NRG3: variants seen among roughly 807,000 people sequenced by gnomAD.
NRG3 encodes pro-neuregulin-3, membrane-bound isoform.
A neutral mutation model predicts 66.9 loss-of-function variants in NRG3; 31 were observed. The observed-to-expected ratio is 0.46, with a 90% CI of 0.35 to 0.63. NRG3 has a LOEUF of 0.63. Ranked by LOEUF, NRG3 falls within the 20% of genes least tolerant of loss-of-function variation. The probability of loss-of-function intolerance (pLI) is 0.00; values close to 1 mark genes in which losing one functional copy is unlikely to be tolerated. For synonymous variants in NRG3, 393 were observed against 359.4 expected (o/e 1.09, Z -1.06); for missense variants, 910 against 878.9 (o/e 1.04, Z -0.45).
At chr10:82,737,341 A>G (rs2058202374) in intron 2 of NRG3, among the ~76,000 whole-genome samples, 1 of 152,170 alleles carries the variant, frequency 6.6e-6, no homozygotes, top group South Asian at 2.1e-4. Context: ...TAGAAAAATT[A>G]CCTAGATGCA....
At chr10:82,688,386 A>C (rs538180812) in intron 2 of NRG3, among the ~76,000 whole-genome samples, 1 of 152,280 alleles carries the variant, frequency 6.6e-6, no homozygotes, top group African/African-American at 2.4e-5. Flanking sequence ...TTGGATGGAG[A>C]ATCACTACCA....
At chr10:82,129,274 CTACATTGT>C (rs2068659106) in intron 1 of NRG3, among the ~76,000 whole-genome samples, 5 of 149,798 alleles carry the variant, frequency 3.3e-5, no homozygotes, top group African/African-American at 7.3e-5. Context: ...AACCACAATA[CTACATTGT>C]CAGAGGGCAC....
At chr10:82,537,003 A>C (rs1461119174) in intron 2 of NRG3, among the ~76,000 whole-genome samples, 1 of 151,936 alleles carries the variant, frequency 6.6e-6, no homozygotes, top group East Asian at 1.9e-4. Context: ...AACTTGGAGA[A>C]AGTAGGTTTA....
rs183842344 is a variant in NRG3 at position 82,184,866 on chromosome 10, C to T, written c.824-173873C>T. On this transcript the variant is annotated intron_variant, in intron 1 of 8. Coordinates refer to ENST00000372141, the MANE Select transcript of NRG3 (RefSeq NM_001010848.4). ...AAATCAACAAGGTCTGGATGAAGGC[C>T]CCTTGAAAGTCTCATCCCTGTGAGC... Among the ~76,000 whole-genome samples, 269 of 152,130 alleles carry T rather than the reference C, an allele frequency of 1.8e-3. 5 individuals carry two copies. The highest frequency in any genetic ancestry group is 2.6e-4 in the Non-Finnish European group (18 of 67,994).
chr10:81,933,251 CAGACTT>C (rs1847561548), intron 1 of NRG3, among the ~76,000 whole-genome samples: 1 of 152,042 alleles, frequency 6.6e-6, no homozygotes, highest in South Asian at 2.1e-4. Context: ...ATGACCATGG[CAGACTT>C]CTTCCTAGAA....
At chr10:81,999,510 A>G (rs1230299684) in intron 1 of NRG3, among the ~76,000 whole-genome samples, 1 of 152,190 alleles carries the variant, frequency 6.6e-6, no homozygotes, top group Non-Finnish European at 1.5e-5. Flanking sequence ...GTTCAAGAAA[A>G]TATTTTCTCT....
At chr10:82,850,384 G>T (rs1019879118) in intron 3 of NRG3, among the ~76,000 whole-genome samples, 1 of 152,274 alleles carries the variant, frequency 6.6e-6, no homozygotes, top group South Asian at 2.1e-4. Flanking sequence ...TCCCTGCAAT[G>T]AGCAAATGAA....
At chr10:82,076,082 G>A (rs766971016) in intron 1 of NRG3, among the ~76,000 whole-genome samples, 15 of 152,150 alleles carry the variant, frequency 9.9e-5, no homozygotes, top group Non-Finnish European at 2.2e-4. Context: ...TGTCAAAAGT[G>A]TATGTTTCTT....
intron 2 of NRG3, among the ~76,000 whole-genome samples, chr10:82,540,935 T>G (rs571926167): frequency 6.6e-6 from 1 of 152,284 alleles, no homozygotes; most frequent in South Asian, 2.1e-4. Flanking sequence ...AGTGAGGTCA[T>G]TAAGGTGTGT....
chr10:81,907,827 C>T lies in NRG3; in HGVS notation c.823+31664C>T, dbSNP rs192968969. ...TACAGACTCCTTGATACCCTTCTTC[C>T]AAAATTTTCAGAAGTTGGGACTTAG... On this transcript the variant is annotated intron_variant, in intron 1 of 8. Coordinates refer to ENST00000372141, the MANE Select transcript of NRG3 (RefSeq NM_001010848.4). Among the ~76,000 whole-genome samples, 177 of 152,206 alleles carry T rather than the reference C, an allele frequency of 1.2e-3. 1 individual carries two copies. The highest frequency in any genetic ancestry group is 0.01 in the Middle Eastern group (3 of 294).
intron 2 of NRG3, among the ~76,000 whole-genome samples, chr10:82,397,657 T>C (rs1268194398): frequency 6.6e-6 from 1 of 152,190 alleles, no homozygotes; most frequent in East Asian, 1.9e-4. Context: ...ATTTGTTACC[T>C]TATTTTTTAC....
In NRG3 at chr10:81,900,506, A is replaced by T. The variant is rs546795627; in HGVS notation, c.823+24343A>T. On this transcript the variant is annotated intron_variant, in intron 1 of 8. Coordinates refer to ENST00000372141, the MANE Select transcript of NRG3 (RefSeq NM_001010848.4). ...ACTCCATATCCAGTGTCATGTCCTG[A>T]GATTTAGATTCGCATATCAGCAAGG... Among the ~76,000 whole-genome samples the T allele has an allele frequency of 2.0e-5, 3 of 152,354 alleles. No individual in the cohort carries two copies. In the South Asian group the frequency reaches 6.2e-4, roughly 32 times the overall value.
At chr10:82,395,189 C>T (rs530882801) in intron 2 of NRG3, among the ~76,000 whole-genome samples, 1 of 152,312 alleles carries the variant, frequency 6.6e-6, no homozygotes, top group African/African-American at 2.4e-5. Flanking sequence ...GCAAGATCAG[C>T]TGAAATTCAG....
At chr10:81,981,043 G>T (rs1205281452) in intron 1 of NRG3, among the ~76,000 whole-genome samples, 2 of 152,168 alleles carry the variant, frequency 1.3e-5, no homozygotes, top group South Asian at 4.1e-4. Flanking sequence ...GCATAAATCC[G>T]TAACGTTTGA....
At position 82,530,008 on chromosome 10, in the gene NRG3, C is replaced by A. The variant is rs77538179; in HGVS notation, c.953+171140C>A. On this transcript the variant is annotated intron_variant, in intron 2 of 8. Coordinates refer to ENST00000372141, the MANE Select transcript of NRG3 (RefSeq NM_001010848.4). The stretch of plus-strand genomic sequence containing the variant: ...GTTATCAGATGGTTTAAAGAGAAAG[C>A]CAGTTAAGGCCAATATGGGAATTTC... Among the ~76,000 whole-genome samples, 284 of 152,112 alleles carry A rather than the reference C, an allele frequency of 1.9e-3. 7 individuals carry two copies. In the East Asian group the frequency reaches 0.051, roughly 27 times the overall value.
intron 3 of NRG3, among the ~76,000 whole-genome samples, chr10:82,846,256 AAG>A (rs2135792506): frequency 6.6e-6 from 1 of 152,272 alleles, no homozygotes; most frequent in Admixed American, 6.5e-5. Context: ...ACGAGAGAAA[AAG>A]AGATAGCAAA....
intron 2 of NRG3, among the ~76,000 whole-genome samples, chr10:82,510,961 T>C (rs1160931857): frequency 6.6e-6 from 1 of 152,184 alleles, no homozygotes; most frequent in Non-Finnish European, 1.5e-5. Context: ...AAAAGAAATA[T>C]TTATTACATG....
intron 2 of NRG3, among the ~76,000 whole-genome samples, chr10:82,574,062 T>A (rs1356490424): frequency 6.6e-6 from 1 of 151,566 alleles, no homozygotes; most frequent in Non-Finnish European, 1.5e-5. Context: ...GAAATCAAAA[T>A]ACCAAAAAGA....
intron 2 of NRG3, among the ~76,000 whole-genome samples, chr10:82,698,579 C>T (rs1253864181): frequency 2.0e-5 from 3 of 152,116 alleles, no homozygotes; most frequent in Non-Finnish European, 4.4e-5. Flanking sequence ...ATTATGCAGT[C>T]ATTGGGAAAA....
Sources: allele counts gnomAD v4.1 joint callset (sites outside exome capture counted in the v4.1 genomes callset), GRCh38; gene constraint gnomAD v4.1.1; transcripts MANE v1.5; gene names NCBI Gene and HGNC (gene_info 2026-07-23, HGNC 2026-07-21).